The following NEB variants were observed in gnomAD, a reference collection of about 807,000 sequenced individuals.
The protein encoded by NEB is nemaline myopathy type 2.
NEB carries 512 observed loss-of-function variants against 952.2 expected under a neutral mutation model. The observed-to-expected ratio is 0.54, with a 90% CI of 0.50 to 0.58. The LOEUF (loss-of-function observed/expected upper bound fraction) is 0.58, where lower values mean the gene tolerates loss of function less well. Among genes scored for constraint, NEB ranks in the 20% least tolerant of loss-of-function variants. The pLI, the probability that NEB is intolerant of heterozygous loss-of-function variation, is 0.00. For synonymous variants in NEB, 2,900 were observed against 3,149.8 expected, an observed-to-expected ratio of 0.92 and a Z score of 2.66; for missense variants, 8,428 against 9,231.1, an observed-to-expected ratio of 0.91 and a Z score of 3.56.
intron 80 of NEB, 127 bp downstream of exon 80, chr2:151,610,389 C>T: frequency 3.9e-6 from 3 of 773,072 alleles, no homozygotes; most frequent in Non-Finnish European, 6.5e-6. Flanking sequence ...AGGGAATGGT[C>T]TTGAGAGGTA....
chr2:151,678,749 G>T (rs1199217101), intron 32 of NEB, among the ~76,000 whole-genome samples: 3 of 152,110 alleles, frequency 2.0e-5, no homozygotes, highest in Non-Finnish European at 2.9e-5. Context: ...TATGTGGAGG[G>T]CACTGTGGGA....
Position 151,694,355 on chromosome 2 carries a change from G to A in NEB, c.1864C>T (p.His622Tyr), listed in dbSNP as rs372106749. ...TGGTTTTTGGCCACCTTCAAGGAGT[G>A]CAGCATCTTGGGATCGTCATTAATG... Reference protein sequence around the residue: ...LSINDDPKMLHSLKVAKNQSD... With the variant: ...LSINDDPKMLYSLKVAKNQSD... The change falls in exon 20 of 182, where the codon CAC becomes TAC. Residue 622 changes from histidine to tyrosine, a missense_variant. His to Tyr is a moderately conservative substitution (Grantham distance 83). Around this residue, in one of 11 missense-constraint regions of NEB, gnomAD observed 2,851 missense variants for 2,791.5 expected, o/e 1.02. Coordinates refer to ENST00000397345, the MANE Select transcript of NEB (RefSeq NM_001164508.2). 1.9e-6 allele frequency: 3 copies of A among 1,613,858 alleles called. No homozygotes were observed. Among genetic ancestry groups the A allele is most frequent in the Non-Finnish European group, 2.5e-6 (3 of 1,179,880 alleles).
In NEB at chr2:151,646,199, A is replaced by G; in HGVS notation, c.7467T>C (p.Thr2489=). 1 of 1,603,404 alleles carries G rather than the reference A, an allele frequency of 6.2e-7. No individual in the cohort carries two copies. Among genetic ancestry groups the G allele is most frequent in the Non-Finnish European group, 8.5e-7 (1 of 1,174,400 alleles). The change falls in exon 55 of 182, where the codon ACT becomes ACC. Residue 2489 remains threonine, a synonymous_variant. Coordinates refer to ENST00000397345, the MANE Select transcript of NEB (RefSeq NM_001164508.2). The part of the protein sequence containing the change: ...LYREAWDKDK[T]QIHIMPDTPD... ...GTGTATCAGGCATGATGTGGATCTG[A>G]GTCTTGTCTTTGTCCCAAGCTTCTC...
Position 151,505,590 on chromosome 2 carries a change from A to G in NEB, c.23650-20T>C. On this transcript the variant is annotated intron_variant, in intron 164 of 181. Transcript: ENST00000397345. Reference sequence around the variant, plus strand: ...CTTCACCTGCAGATTTAAAAATGGGAAAAGAAAGGTATTATTACATGCTGG... The same window carrying G: ...CTTCACCTGCAGATTTAAAAATGGGGAAAGAAAGGTATTATTACATGCTGG... 6.3e-7 allele frequency: 1 copy of G among 1,576,254 alleles called. No individual in the cohort carries two copies. Among genetic ancestry groups the G allele is most frequent in the Non-Finnish European group, 8.7e-7 (1 of 1,145,548 alleles).
At chr2:151,673,734 T>C (rs902416252) in intron 36 of NEB, among the ~76,000 whole-genome samples, 2 of 12,142 alleles carry the variant, frequency 1.6e-4, no homozygotes, top group Admixed American at 5.6e-3. Flanking sequence ...TTCTTTTTCT[T>C]TTTTTTTTTT....
chr2:151,572,518 T>C (rs771832487), intron 107 of NEB, among the ~76,000 whole-genome samples: 1 of 145,266 alleles, frequency 6.9e-6, no homozygotes, highest in Non-Finnish European at 1.5e-5. Flanking sequence ...TATATATATA[T>C]ATAAAATATA....
chr2:151,610,475 GCA>G, intron 80 of NEB, 39 bp downstream of exon 80: 1 of 1,482,752 alleles, frequency 6.7e-7, no homozygotes, highest in Non-Finnish European at 9.4e-7. Context: ...GGGTTGTTCA[GCA>G]CAGTGGAGAC....
chr2:151,555,718 T>A (rs1048947643), intron 124 of NEB, among the ~76,000 whole-genome samples: 1 of 152,154 alleles, frequency 6.6e-6, no homozygotes, highest in African/African-American at 2.4e-5. Flanking sequence ...AAAAGAGAGA[T>A]GGGAGTATAT....
At chr2:151,514,962 A>T in intron 157 of NEB, 34 bp from the exon 158 acceptor site, 1 of 1,381,036 alleles carries the variant, frequency 7.2e-7, no homozygotes. Context: ...CAAGTTAAAA[A>T]AAAATCTTTA....
Position 151,617,472 on chromosome 2 carries a change from C to CAAAA in NEB, c.11077-8_11077-5dup, listed in dbSNP as rs749915004. The CAAAA allele has an allele frequency of 1.4e-4, 114 of 819,422 alleles. No individual in the cohort carries two copies. Among genetic ancestry groups the CAAAA allele is most frequent in the African/African-American group, 4.9e-4 (19 of 39,126 alleles). The allele number at this position is 819,422 out of a possible 1,614,324, so 50.8% of individuals were successfully genotyped here. A position where few individuals can be genotyped will look rare whatever the true frequency, so the allele number is the denominator to read the frequency against. Reference sequence around the variant, plus strand: ...CCCAGGCTTCAGTATATAAGCGCTACAAAAAAAAAAAAAAAAGAGAGAGAG... The same window carrying CAAAA: ...CCCAGGCTTCAGTATATAAGCGCTACAAAAAAAAAAAAAAAAAAAAGAGAGAGAG... On this transcript the variant is annotated splice_region_variant and splice_polypyrimidine_tract_variant and intron_variant, in intron 74 of 181. Transcript: ENST00000397345.
chr2:151,659,192 TA>T, intron 46 of NEB, 23 bp from the exon 47 acceptor site: 1 of 1,519,652 alleles, frequency 6.6e-7, no homozygotes, highest in Non-Finnish European at 9.1e-7. Flanking sequence ...CAGTGTAAAT[TA>T]GTGTTTAAAA....
At position 151,655,883 on chromosome 2, in the gene NEB, C is replaced by A; in HGVS notation, c.6636G>T (p.Gln2212His). The change falls in exon 50 of 182, where the codon CAG becomes CAT. Residue 2212 changes from glutamine to histidine, a missense_variant. Gln to His is a conservative substitution (Grantham distance 24). Transcript: ENST00000397345. The stretch of plus-strand genomic sequence containing the variant: ...CCATGGAATCAGTCAGCTTCTTAAA[C>A]TGGAAGTTGCTCGGGTGCTGGCGGT... ...QKYRQHPSNF[Q>H]FKKLTDSMDM... is the part of the protein sequence containing the mutation. 1 of 1,613,796 alleles carries A rather than the reference C, an allele frequency of 6.2e-7. No homozygotes were observed. The highest frequency in any genetic ancestry group is 1.1e-5 in the South Asian group (1 of 91,082).
intron 64 of NEB, among the ~76,000 whole-genome samples, chr2:151,635,172 T>C (rs984347252): frequency 6.6e-6 from 1 of 152,206 alleles, no homozygotes; most frequent in Non-Finnish European, 1.5e-5. Context: ...ACAATGCATA[T>C]AAAGCTCTTA....
intron 141 of NEB, 40 bp from the exon 142 acceptor site, chr2:151,535,835 G>A: frequency 9.0e-7 from 1 of 1,114,766 alleles, no homozygotes; most frequent in Non-Finnish European, 1.3e-6. Context: ...AGCAGGCTAT[G>A]ATTATCTTAA....
At chr2:151,495,948 C>G (rs78895794) in intron 173 of NEB, among the ~76,000 whole-genome samples, 2,405 of 152,232 alleles carry the variant, frequency 0.016, 86 homozygotes, top group East Asian at 0.14. Flanking sequence ...TCCACCACCC[C>G]ACACGTACCC....
At chr2:151,553,286 G>A in intron 127 of NEB, 112 bp downstream of exon 127, 1 of 867,320 alleles carries the variant, frequency 1.2e-6, no homozygotes, top group Non-Finnish European at 1.9e-6. Context: ...CTCCAGCTCA[G>A]CCACCCCCCA....
intron 173 of NEB, among the ~76,000 whole-genome samples, chr2:151,494,590 C>G (rs1574823164): frequency 6.6e-6 from 1 of 152,152 alleles, no homozygotes; most frequent in Non-Finnish European, 1.5e-5. Flanking sequence ...GAGCTTCAAT[C>G]ACACTGAGAA....
chr2:151,678,690 C>A (rs543550263), intron 32 of NEB, among the ~76,000 whole-genome samples: 2 of 152,022 alleles, frequency 1.3e-5, no homozygotes, highest in Admixed American at 1.3e-4. Flanking sequence ...GGGGTAAACA[C>A]TAACTGGCTC....
In NEB at chr2:151,610,049, G is replaced by C; in HGVS notation, c.12090C>G (p.Pro4030=). ...CTGCATGTATGGCACACATAATCTTGGGATCATCTTCAATGCTCTGGGCTC... is the reference window on the plus strand; with the variant it reads ...CTGCATGTATGGCACACATAATCTTCGGATCATCTTCAATGCTCTGGGCTC... The part of the protein sequence containing the change: ...HIGAQSIEDD[P]KIMCAIHAGK... Residue 4030 remains proline, a synonymous_variant, in exon 81 of 182, where the codon CCC becomes CCG. Transcript: ENST00000397345. 1.2e-6 allele frequency: 2 copies of C among 1,613,628 alleles called. No individual in the cohort carries two copies. Among genetic ancestry groups the C allele is most frequent in the Non-Finnish European group, 1.7e-6 (2 of 1,179,794 alleles).
Sources: gnomAD v4.1 joint callset for allele counts (sites outside exome capture counted in the v4.1 genomes callset) on GRCh38, gnomAD v4.1.1 for gene constraint, gnomAD v4.1.1 regional missense constraint, MANE v1.5 for transcripts, NCBI Gene and HGNC (gene_info 2026-07-23, HGNC 2026-07-21) for gene names.